MEPCE: variants seen among roughly 807,000 people sequenced by gnomAD.
MEPCE encodes methylphosphate capping enzyme, also known as 7SK snRNA methylphosphate capping enzyme.
A neutral mutation model predicts 52.3 loss-of-function variants in MEPCE; 9 were observed. That is an observed-to-expected ratio of 0.17 (90% confidence interval 0.10 to 0.30). The LOEUF (loss-of-function observed/expected upper bound fraction) is 0.30. MEPCE is among the 10% of genes least tolerant of loss of function. MEPCE has a pLI of 1.00. For missense variants in MEPCE, 826 were observed against 933.0 expected, an observed-to-expected ratio of 0.89 and a Z score of 1.49; for synonymous variants, 477 against 401.6, an observed-to-expected ratio of 1.19 and a Z score of -2.25.
rs1228350642 is a variant in MEPCE at position 100,430,558 on chromosome 7, G to A, written c.540G>A (p.Val180=). The change falls in exon 1 of 4, where the codon GTG becomes GTA. Residue 180 remains valine, a synonymous_variant. Transcript: ENST00000310512. ...GGGTGAATTCGGACTGTGACTCTGT[G>A]TTACCCTCCAACTTCCTCCTGGGGG... The part of the protein sequence containing the change: ...RRRVNSDCDS[V]LPSNFLLGGN... The A allele has an allele frequency of 2.5e-6, 4 of 1,598,038 alleles. No homozygotes were observed. The highest frequency in any genetic ancestry group is 3.4e-6 in the Non-Finnish European group (4 of 1,172,720).
At position 100,430,279 on chromosome 7, in the gene MEPCE, G is replaced by A; in HGVS notation, c.261G>A (p.Gly87=). ...GTCCCCAGGCGCAGCAGCACCGAGG[G>A]GGCGGCCCCCAGGCGCAGTCGCATG... ...SSGPQAQQHR[G]GGPQAQSHGE... The change falls in exon 1 of 4, where the codon GGG becomes GGA. Residue 87 remains glycine, a synonymous_variant. Transcript: ENST00000310512. 7.1e-7 allele frequency: 1 copy of A among 1,402,090 alleles called. No homozygotes were observed. The highest frequency in any genetic ancestry group is 9.2e-7 in the Non-Finnish European group (1 of 1,082,332). 86.9% of individuals were successfully genotyped at this position (1,402,090 alleles called of 1,614,324 possible).
chr7:100,429,344 C>T (rs921698710), upstream of MEPCE: 1 of 152,290 alleles, frequency 6.6e-6, no homozygotes. Context: ...TCTACCCGCG[C>T]AAGCCCAAAA....
Position 100,433,154 on chromosome 7 carries a change from G to T in MEPCE, c.1890+17G>T, listed in dbSNP as rs774408647. 3.7e-6 allele frequency: 6 copies of T among 1,613,666 alleles called. No individual in the cohort carries two copies. The highest frequency in any genetic ancestry group is 5.1e-6 in the Non-Finnish European group (6 of 1,179,784). On this transcript the variant is annotated intron_variant, in intron 2 of 3. Transcript: ENST00000310512. ...ACTCTTACAGTGAGTTGGGTGTTGG[G>T]GGAATAGTCATTCCTTTGGTTGAGG...
At chr7:100,432,049 A>G (rs952425432) in intron 1 of MEPCE, among the ~76,000 whole-genome samples, 2 of 152,192 alleles carry the variant, frequency 1.3e-5, no homozygotes, top group African/African-American at 4.8e-5. Flanking sequence ...GATTTACTGA[A>G]GGAGCCTGAG....
upstream of MEPCE, chr7:100,429,700 G>C (rs1798469452): frequency 3.5e-6 from 1 of 288,958 alleles, no homozygotes; most frequent in Admixed American, 5.2e-5. Context: ...GTGGCGGAGT[G>C]CGCATGCGTG....
At chr7:100,429,701 C>T (rs758289337), upstream of MEPCE, 5 of 288,974 alleles carry the variant, frequency 1.7e-5, no homozygotes, top group Admixed American at 1.0e-4. Context: ...TGGCGGAGTG[C>T]GCATGCGTGG....
chr7:100,429,751 G>C (rs915129549), upstream of MEPCE: 5 of 358,914 alleles, frequency 1.4e-5, no homozygotes, highest in African/African-American at 1.0e-4. Context: ...GTGCGCGCTC[G>C]CGGCCGGGTG....
Position 100,430,297 on chromosome 7 carries a change from G to A in MEPCE, c.279G>A (p.Gln93=). 1 of 1,409,520 alleles carries A rather than the reference G, an allele frequency of 7.1e-7. No homozygotes were observed. The highest frequency in any genetic ancestry group is 2.6e-4 in the Middle Eastern group (1 of 3,878). 87.3% of individuals were successfully genotyped at this position (1,409,520 alleles called of 1,614,324 possible). A position where few individuals can be genotyped will look rare whatever the true frequency, so the allele number is the denominator to read the frequency against. The change falls in exon 1 of 4, where the codon CAG becomes CAA. Residue 93 remains glutamine, a synonymous_variant. Coordinates refer to ENST00000310512, the MANE Select transcript of MEPCE (RefSeq NM_019606.6). ...ACCGAGGGGGCGGCCCCCAGGCGCA[G>A]TCGCATGGGGAGGCCCGCCTGTCGG... ...QQHRGGGPQA[Q]SHGEARLSDP... is the part of the protein sequence containing the mutation.
At chr7:100,428,829 TCGGGAGTGGGCGG>T (rs1408045785), upstream of MEPCE, 1 of 152,030 alleles carries the variant, frequency 6.6e-6, no homozygotes, top group Non-Finnish European at 1.5e-5. Flanking sequence ...TGAGCGGGCG[TCGGGAGTGGGCGG>T]ATGCGTTGGG....
At position 100,433,707 on chromosome 7, in the gene MEPCE, T is replaced by A; in HGVS notation, c.*153T>A. 1.3e-6 allele frequency: 1 copy of A among 767,222 alleles called. No individual in the cohort carries two copies. Among genetic ancestry groups the A allele is most frequent in the Non-Finnish European group, 2.1e-6 (1 of 477,486 alleles). The allele number at this position is 767,222 out of a possible 1,614,324, so 47.5% of individuals were successfully genotyped here. A position where few individuals can be genotyped will look rare whatever the true frequency, so the allele number is the denominator to read the frequency against. ...AGAAAGCTTTTCTTCCGTCGCTGCC[T>A]CAGCCTCCTCCCTATGCCTCTGGCA... is the stretch of plus-strand genomic sequence containing the variant. On this transcript the variant is annotated 3_prime_UTR_variant, in exon 4 of 4. Coordinates refer to ENST00000310512, the MANE Select transcript of MEPCE (RefSeq NM_019606.6).
At position 100,430,287 on chromosome 7, in the gene MEPCE, C is replaced by A. The variant is rs1159115478; in HGVS notation, c.269C>A (p.Pro90His). The A allele has an allele frequency of 2.1e-6, 3 of 1,405,946 alleles. No homozygotes were observed. Among genetic ancestry groups the A allele is most frequent in the Non-Finnish European group, 2.8e-6 (3 of 1,084,120 alleles). 87.1% of individuals were successfully genotyped at this position (1,405,946 alleles called of 1,614,324 possible). A position where few individuals can be genotyped will look rare whatever the true frequency, so the allele number is the denominator to read the frequency against. ...GCGCAGCAGCACCGAGGGGGCGGCCCCCAGGCGCAGTCGCATGGGGAGGCC... is the reference window on the plus strand; with the variant it reads ...GCGCAGCAGCACCGAGGGGGCGGCCACCAGGCGCAGTCGCATGGGGAGGCC... ...PQAQQHRGGG[P>H]QAQSHGEARL... The change falls in exon 1 of 4, where the codon CCC (proline) becomes CAC (histidine). Residue 90 changes from proline (P) to histidine (H), a missense_variant. Physicochemically the swap from Pro to His is moderately conservative, Grantham distance 77. Coordinates refer to ENST00000310512, the MANE Select transcript of MEPCE (RefSeq NM_019606.6).
chr7:100,430,221 A>C lies in MEPCE; in HGVS notation c.203A>C (p.Glu68Ala). The C allele has an allele frequency of 5.3e-6, 7 of 1,322,890 alleles. No individual in the cohort carries two copies. Among genetic ancestry groups the C allele is most frequent in the Non-Finnish European group, 5.8e-6 (6 of 1,040,436 alleles). The allele number at this position is 1,322,890 out of a possible 1,614,324, so 81.9% of individuals were successfully genotyped here. Reference protein sequence around the residue: ...AGSPAAAVGRESPGAAATSSS... With the variant: ...AGSPAAAVGRASPGAAATSSS... ...TCCCCAGCCGCTGCGGTCGGTCGGG[A>C]AAGCCCCGGGGCCGCGGCCACCTCC... Residue 68 changes from glutamate (E) to alanine (A), a missense_variant, in exon 1 of 4, where the codon GAA (glutamate) becomes GCA (alanine). Glu to Ala is a moderately radical substitution (Grantham distance 107). Coordinates refer to ENST00000310512, the MANE Select transcript of MEPCE (RefSeq NM_019606.6).
chr7:100,431,081 C>T lies in MEPCE; in HGVS notation c.1063C>T (p.Pro355Ser). ...TCCAGCTGCCTCAGTTATCTCTGCACCCCCATCTTCCTCCTCCCGACATCG... is the reference window on the plus strand; with the variant it reads ...TCCAGCTGCCTCAGTTATCTCTGCATCCCCATCTTCCTCCTCCCGACATCG... ...APPAASVISAPPSSSSRHRKR... is the reference protein window; with the variant it reads ...APPAASVISASPSSSSRHRKR... Residue 355 changes from proline (P) to serine (S), a missense_variant, in exon 1 of 4, where the codon CCC (proline) becomes TCC (serine). By Grantham distance (74) the Pro-to-Ser change is moderately conservative (BLOSUM62 -1). Coordinates refer to ENST00000310512, the MANE Select transcript of MEPCE (RefSeq NM_019606.6). 1.9e-6 allele frequency: 3 copies of T among 1,613,834 alleles called. No individual in the cohort carries two copies. Among genetic ancestry groups the T allele is most frequent in the Non-Finnish European group, 2.5e-6 (3 of 1,180,040 alleles).
chr7:100,432,659 A>G (rs563382372), intron 1 of MEPCE, among the ~76,000 whole-genome samples: 1 of 152,318 alleles, frequency 6.6e-6, no homozygotes, highest in Admixed American at 6.5e-5. Context: ...GACTTCATGG[A>G]TAATTTGCAC....
At chr7:100,428,991 T>C (rs1434077536), upstream of MEPCE, 1 of 152,318 alleles carries the variant, frequency 6.6e-6, no homozygotes, top group African/African-American at 2.4e-5. Context: ...ATCGGCTGTT[T>C]TAGTGCTTTT....
intron 2 of MEPCE, 54 bp downstream of exon 2, chr7:100,433,191 C>T (rs779080230): frequency 1.3e-5 from 21 of 1,612,978 alleles, no homozygotes; most frequent in Non-Finnish European, 1.8e-5. Flanking sequence ...AAGAAAAGGC[C>T]CCGAGGTGGG....
chr7:100,429,473 C>G (rs1373063269), upstream of MEPCE: 1 of 152,318 alleles, frequency 6.6e-6, no homozygotes, highest in Admixed American at 6.5e-5. Flanking sequence ...GGTCGGGTGT[C>G]AAGGAGACCT....
At chr7:100,428,840 C>G (rs555127533), upstream of MEPCE, 2 of 152,210 alleles carry the variant, frequency 1.3e-5, no homozygotes, top group African/African-American at 2.4e-5. Flanking sequence ...CGGGAGTGGG[C>G]GGATGCGTTG....
upstream of MEPCE, chr7:100,429,512 CGGTG>C (rs1798430568): frequency 6.6e-6 from 1 of 152,392 alleles, no homozygotes; most frequent in South Asian, 2.1e-4. Flanking sequence ...CCCCCGCCTA[CGGTG>C]GGTGGGATCG....
Sources: allele counts gnomAD v4.1 joint callset (sites outside exome capture counted in the v4.1 genomes callset), GRCh38; gene constraint gnomAD v4.1.1; transcripts MANE v1.5; gene names NCBI Gene and HGNC (gene_info 2026-07-23, HGNC 2026-07-21).